Variants in CPNE3 observed in about 807,000 individuals in gnomAD.
CPNE3 encodes copine 3, also known as copine-3.
CPNE3 carries 68 observed loss-of-function variants against 63.9 expected under a neutral mutation model. The ratio of observed to expected loss-of-function variants is 1.06; its 90% CI spans 0.87 to 1.30. The LOEUF (loss-of-function observed/expected upper bound fraction) is 1.30, where lower values mean the gene tolerates loss of function less well. Ranked by LOEUF, CPNE3 falls within the 50% of genes most tolerant of loss-of-function variation. CPNE3 has a pLI of 0.00. For synonymous variants in CPNE3, 219 were observed against 197.5 expected, an observed-to-expected ratio of 1.11 and a Z score of -0.91; for missense variants, 665 against 578.1, an observed-to-expected ratio of 1.15 and a Z score of -1.54.
intron 3 of CPNE3, 64 bp from the exon 4 acceptor site, chr8:86,528,881 G>C (rs1361895805): frequency 7.0e-7 from 1 of 1,430,560 alleles, no homozygotes; most frequent in Non-Finnish European, 9.5e-7. Flanking sequence ...AGTATATAAA[G>C]ATGTGAAAAT....
At chr8:86,551,921 C>A (rs910404023) in intron 14 of CPNE3, among the ~76,000 whole-genome samples, 1 of 152,222 alleles carries the variant, frequency 6.6e-6, no homozygotes, top group East Asian at 1.9e-4. Context: ...CTGCCTTGGC[C>A]TCCCAAAGTA....
intron 2 of CPNE3, among the ~76,000 whole-genome samples, chr8:86,520,419 G>A (rs1179697836): frequency 6.9e-6 from 1 of 144,294 alleles, no homozygotes; most frequent in Non-Finnish European, 1.6e-5. Context: ...AGCTGGGCGT[G>A]ATGGCAGCGC....
chr8:86,551,148 C>A, intron 13 of CPNE3, 35 bp from the exon 14 acceptor site: 1 of 1,613,416 alleles, frequency 6.2e-7, no homozygotes, highest in Non-Finnish European at 8.5e-7. Flanking sequence ...GAAAAGCAGC[C>A]CAGCCCTCAT....
At chr8:86,547,291 A>G (rs1199734945) in intron 10 of CPNE3, 1 of 159,408 alleles carries the variant, frequency 6.3e-6, no homozygotes, top group Non-Finnish European at 1.4e-5. Context: ...ACCTTACCCA[A>G]TGCATTTATC....
chr8:86,548,329 G>C lies in CPNE3; in HGVS notation c.908G>C (p.Gly303Ala), dbSNP rs1397164621. Residue 303 changes from glycine to alanine, a missense_variant, in exon 12 of 17, where the codon GGT becomes GCT. Physicochemically the swap from Gly to Ala is moderately conservative, Grantham distance 60. Coordinates refer to ENST00000517490, the MANE Select transcript of CPNE3 (RefSeq NM_003909.5). ...TVGVDFTGSN[G>A]DPRSPDSLHY... ...GGAGTGGACTTCACTGGCTCCAATG[G>C]TGACCCAAGGTCTCCAGACTCCCTT... 32 of 1,613,954 alleles carry C rather than the reference G, an allele frequency of 2.0e-5. No homozygotes were observed. The highest frequency in any genetic ancestry group is 2.6e-5 in the Non-Finnish European group (31 of 1,180,008).
chr8:86,553,288 T>C (rs923445701), intron 14 of CPNE3, among the ~76,000 whole-genome samples: 1 of 152,140 alleles, frequency 6.6e-6, no homozygotes, highest in African/African-American at 2.4e-5. Context: ...TAAGACTACC[T>C]GTTCCTAAAT....
At chr8:86,544,630 C>T (rs1821008575) in intron 8 of CPNE3, 110 bp from the exon 9 acceptor site, 3 of 419,844 alleles carry the variant, frequency 7.1e-6, no homozygotes, top group African/African-American at 2.1e-5. Flanking sequence ...TACACATTTT[C>T]ATTTACTTTA....
intron 9 of CPNE3, chr8:86,545,459 ATC>A (rs1821027320): frequency 6.6e-6 from 1 of 152,186 alleles, no homozygotes; most frequent in East Asian, 1.9e-4. Flanking sequence ...AAGTGAAGTA[ATC>A]TAGCCCTTTT....
At chr8:86,538,975 G>T (rs1260948383) in intron 7 of CPNE3, among the ~76,000 whole-genome samples, 1 of 152,110 alleles carries the variant, frequency 6.6e-6, no homozygotes, top group Non-Finnish European at 1.5e-5. Flanking sequence ...AGCATCCATT[G>T]GTGATCCTTG....
intron 7 of CPNE3, among the ~76,000 whole-genome samples, chr8:86,538,679 G>C (rs1434410459): frequency 6.6e-6 from 1 of 152,068 alleles, no homozygotes; most frequent in African/African-American, 2.4e-5. Context: ...AGACCAGAAT[G>C]TCCAACATTC....
chr8:86,518,405 T>C (rs780918064), intron 2 of CPNE3, among the ~76,000 whole-genome samples: 16 of 152,340 alleles, frequency 1.1e-4, no homozygotes, highest in Admixed American at 2.0e-4. Flanking sequence ...CCAGCCTGCC[T>C]GCTGCACAGC....
rs1329909473 is a variant in CPNE3 at position 86,542,811 on chromosome 8, A to T, written c.634-1929A>T. Among the ~76,000 whole-genome samples, 4 of 151,982 alleles carry T rather than the reference A, an allele frequency of 2.6e-5. No individual in the cohort carries two copies. In the East Asian group the frequency reaches 7.7e-4, roughly 29 times the overall value. ...AAGGGGACAAGAGGGAGCTTTTTCT[A>T]TATATTTATTATAGTGAGTAATCAA... On this transcript the variant is annotated intron_variant, in intron 8 of 16. Coordinates refer to ENST00000517490, the MANE Select transcript of CPNE3 (RefSeq NM_003909.5).
intron 2 of CPNE3, among the ~76,000 whole-genome samples, chr8:86,517,076 T>C (rs1820331179): frequency 6.6e-6 from 1 of 152,202 alleles, no homozygotes. Context: ...ACAATCTAGC[T>C]TCCTTCCCAC....
At chr8:86,536,997 C>T (rs1820817020) in intron 6 of CPNE3, among the ~76,000 whole-genome samples, 1 of 152,186 alleles carries the variant, frequency 6.6e-6, no homozygotes, top group Non-Finnish European at 1.5e-5. Context: ...ATGTGTTCCA[C>T]ATATCTACCT....
At position 86,547,691 on chromosome 8, in the gene CPNE3, A is replaced by G. The variant is rs769860219; in HGVS notation, c.820-20A>G. On this transcript the variant is annotated intron_variant, in intron 10 of 16. Coordinates refer to ENST00000517490, the MANE Select transcript of CPNE3 (RefSeq NM_003909.5). ...TGTATAGTAGGAGAGTTGTAATTTTAAGTTTTCTCTTATTTTTAGATTACA... is the reference window on the plus strand; with the variant it reads ...TGTATAGTAGGAGAGTTGTAATTTTGAGTTTTCTCTTATTTTTAGATTACA... 1 of 1,025,944 alleles carries G rather than the reference A, an allele frequency of 9.7e-7. No homozygotes were observed. The highest frequency in any genetic ancestry group is 1.3e-5 in the South Asian group (1 of 75,302). The allele number at this position is 1,025,944 out of a possible 1,614,324, so 63.6% of individuals were successfully genotyped here. A position where few individuals can be genotyped will look rare whatever the true frequency, so the allele number is the denominator to read the frequency against.
intron 8 of CPNE3, among the ~76,000 whole-genome samples, chr8:86,543,836 T>G (rs10106390): frequency 1.3e-5 from 2 of 151,966 alleles, no homozygotes; most frequent in Non-Finnish European, 2.9e-5. Flanking sequence ...AAAACATTGG[T>G]GTTAAATGTT....
chr8:86,525,436 CT>C (rs1820521422), intron 2 of CPNE3, among the ~76,000 whole-genome samples: 1 of 152,174 alleles, frequency 6.6e-6, no homozygotes, highest in Non-Finnish European at 1.5e-5. Flanking sequence ...TATGTAATTT[CT>C]TCCATTTGCC....
In CPNE3 at chr8:86,558,469, G is replaced by C. The variant is rs528600033; in HGVS notation, c.*59G>C. 1.2e-6 allele frequency: 1 copy of C among 867,254 alleles called. No homozygotes were observed. The highest frequency in any genetic ancestry group is 1.3e-5 in the South Asian group (1 of 76,234). 53.7% of individuals were successfully genotyped at this position (867,254 alleles called of 1,614,324 possible). A position where few individuals can be genotyped will look rare whatever the true frequency, so the allele number is the denominator to read the frequency against. On this transcript the variant is annotated 3_prime_UTR_variant, in exon 17 of 17. Transcript: ENST00000517490. ...GCAATGCCATCTCTCACCCCAAATCGTGTATCTGTCATTCTACGTACTTTT... is the reference window on the plus strand; with the variant it reads ...GCAATGCCATCTCTCACCCCAAATCCTGTATCTGTCATTCTACGTACTTTT...
chr8:86,523,523 C>T (rs1820478992), intron 2 of CPNE3, among the ~76,000 whole-genome samples: 1 of 152,172 alleles, frequency 6.6e-6, no homozygotes, highest in Admixed American at 6.5e-5. Context: ...AGTGCCATAA[C>T]AGCATGAGGG....
Sources: allele counts gnomAD v4.1 joint callset (sites outside exome capture counted in the v4.1 genomes callset), GRCh38; gene constraint gnomAD v4.1.1; transcripts MANE v1.5; gene names NCBI Gene and HGNC (gene_info 2026-07-23, HGNC 2026-07-21).